USP34: variants seen among roughly 807,000 people sequenced by gnomAD.
The protein encoded by USP34 is ubiquitin carboxyl-terminal hydrolase 34.
A neutral mutation model predicts 460.3 loss-of-function variants in USP34; 70 were observed. That is an observed-to-expected ratio of 0.15 (90% CI 0.13 to 0.19). The LOEUF (loss-of-function observed/expected upper bound fraction) is 0.19. Ranked by LOEUF, USP34 falls within the 10% of genes least tolerant of loss-of-function variation. The probability of loss-of-function intolerance (pLI) is 1.00; values close to 1 mark genes in which losing one functional copy is unlikely to be tolerated. For missense variants in USP34, 3,985 were observed against 4,236.2 expected (o/e 0.94, Z 1.65); for synonymous variants, 1,647 against 1,405.3 (o/e 1.17, Z -3.85).
intron 10 of USP34, among the ~76,000 whole-genome samples, chr2:61,359,286 C>T (rs1037167039): frequency 6.6e-6 from 1 of 152,194 alleles, no homozygotes; most frequent in Non-Finnish European, 1.5e-5. Context: ...AATAAACCTT[C>T]ATATGAAAAA....
At chr2:61,450,299 G>A (rs1189904008) in intron 1 of USP34, among the ~76,000 whole-genome samples, 2 of 152,176 alleles carry the variant, frequency 1.3e-5, no homozygotes, top group Non-Finnish European at 2.9e-5. Flanking sequence ...AGCTTAGGGT[G>A]ACTGATTGCT....
intron 10 of USP34, among the ~76,000 whole-genome samples, chr2:61,356,475 G>GCGCGCACGCA (rs369666693): frequency 6.1e-4 from 78 of 128,422 alleles, no homozygotes; most frequent in African/African-American, 2.0e-3. Flanking sequence ...GGGTGAAAGC[G>GCGCGCACGCA]CACACACACA....
chr2:61,273,103 A>T (rs1420380703), intron 41 of USP34, among the ~76,000 whole-genome samples: 1 of 152,216 alleles, frequency 6.6e-6, no homozygotes, highest in Non-Finnish European at 1.5e-5. Context: ...CAATGATTCC[A>T]TATCAACATA....
intron 1 of USP34, among the ~76,000 whole-genome samples, chr2:61,442,104 C>G (rs1319449374): frequency 6.6e-6 from 1 of 152,116 alleles, no homozygotes; most frequent in Non-Finnish European, 1.5e-5. Context: ...CCTCACTCCT[C>G]TACATAAACA....
At chr2:61,436,127 CCA>C (rs1359505668) in intron 1 of USP34, among the ~76,000 whole-genome samples, 1 of 151,880 alleles carries the variant, frequency 6.6e-6, no homozygotes, top group African/African-American at 2.4e-5. Flanking sequence ...TTAAAGTCAC[CCA>C]CAGAGCCTGG....
chr2:61,335,681 G>A (rs906745194), intron 18 of USP34, among the ~76,000 whole-genome samples: 18 of 152,128 alleles, frequency 1.2e-4, no homozygotes, highest in Non-Finnish European at 1.0e-4. Flanking sequence ...CCTGGGAGGC[G>A]GAGGTTACAG....
chr2:61,193,865 C>T (rs1021698625), intron 75 of USP34, among the ~76,000 whole-genome samples: 12 of 152,164 alleles, frequency 7.9e-5, no homozygotes, highest in Admixed American at 7.8e-4. Context: ...GCTCTGTTAA[C>T]ACAGCTCAAC....
At chr2:61,205,607 T>A (rs1687097258) in intron 72 of USP34, among the ~76,000 whole-genome samples, 1 of 152,174 alleles carries the variant, frequency 6.6e-6, no homozygotes, top group African/African-American at 2.4e-5. Context: ...AATAAAAAGA[T>A]GCAATACTCA....
At chr2:61,350,795 C>A in intron 10 of USP34, 102 bp from the exon 11 acceptor site, 2 of 1,241,716 alleles carry the variant, frequency 1.6e-6, no homozygotes, top group Non-Finnish European at 2.2e-6. Context: ...GGCCAGTACA[C>A]TAATATTTTT....
chr2:61,424,924 G>A (rs1194821416), intron 1 of USP34, among the ~76,000 whole-genome samples: 4 of 152,112 alleles, frequency 2.6e-5, no homozygotes, highest in African/African-American at 9.7e-5. Flanking sequence ...CCGCCTCCCA[G>A]GTTCAAGTGA....
chr2:61,384,543 CAT>C (rs1404457768), intron 5 of USP34, among the ~76,000 whole-genome samples: 2 of 152,028 alleles, frequency 1.3e-5, no homozygotes, highest in African/African-American at 4.8e-5. Context: ...CATGGTGTCA[CAT>C]GTCTGCAGTC....
intron 25 of USP34, 96 bp downstream of exon 25, chr2:61,314,489 C>T: frequency 8.7e-7 from 1 of 1,152,110 alleles, no homozygotes; most frequent in Non-Finnish European, 1.1e-6. Flanking sequence ...TCTACTTGAC[C>T]CCAACAAAAA....
At chr2:61,317,914 A>G (rs1690799901) in intron 22 of USP34, 147 bp from the exon 23 acceptor site, 1 of 612,572 alleles carries the variant, frequency 1.6e-6, no homozygotes, top group Non-Finnish European at 2.6e-6. Context: ...ATAAAAATAT[A>G]TAATAATTTT....
intron 10 of USP34, among the ~76,000 whole-genome samples, chr2:61,369,959 G>T (rs1486421100): frequency 6.6e-5 from 9 of 135,800 alleles, no homozygotes; most frequent in South Asian, 2.5e-4. Flanking sequence ...TTGGAATTTT[G>T]AATCATGTGG....
intron 2 of USP34, among the ~76,000 whole-genome samples, chr2:61,412,884 C>G (rs1293762060): frequency 9.3e-6 from 1 of 107,794 alleles, no homozygotes; most frequent in East Asian, 3.0e-4. Context: ...GCAATCCCAT[C>G]TCAAAAAAAA....
At chr2:61,267,218 T>C (rs941024074) in intron 41 of USP34, among the ~76,000 whole-genome samples, 2 of 152,158 alleles carry the variant, frequency 1.3e-5, no homozygotes, top group African/African-American at 4.8e-5. Flanking sequence ...CTGTAATAAA[T>C]CTTAGCCATG....
chr2:61,428,782 C>A lies in USP34; in HGVS notation c.44-7949G>T, dbSNP rs116925082. Among the ~76,000 whole-genome samples the A allele has an allele frequency of 1.3e-3, 193 of 152,104 alleles. 3 individuals are homozygous for A. The East Asian group carries it at 0.034, about 27-fold the overall frequency. ...GACTTAGGAAAAAAATTAGCTATGC[C>A]GATTCAGAGGTAACTCCTAGGAAGT... On this transcript the variant is annotated intron_variant, in intron 1 of 79. Transcript: ENST00000398571.
intron 20 of USP34, among the ~76,000 whole-genome samples, chr2:61,330,139 T>A (rs1183275057): frequency 2.0e-5 from 3 of 152,202 alleles, no homozygotes; most frequent in Non-Finnish European, 4.4e-5. Flanking sequence ...AGAAACAGAC[T>A]GTCGGTACAG....
intron 69 of USP34, among the ~76,000 whole-genome samples, chr2:61,210,526 A>C (rs567712191): frequency 6.6e-6 from 1 of 152,280 alleles, no homozygotes; most frequent in South Asian, 2.1e-4. Flanking sequence ...ATGATGAAAT[A>C]GGCTAAAAAT....
Sources: allele counts gnomAD v4.1 joint callset (sites outside exome capture counted in the v4.1 genomes callset), GRCh38; gene constraint gnomAD v4.1.1; transcripts MANE v1.5; gene names NCBI Gene and HGNC (gene_info 2026-07-23, HGNC 2026-07-21).